The following DNAJC8 variants were observed in gnomAD, a reference collection of about 807,000 sequenced individuals.
DNAJC8 encodes dnaJ homolog subfamily C member 8.
Under a neutral mutation model 43.2 loss-of-function variants are expected in DNAJC8, and 24 were observed. The observed-to-expected ratio is 0.56, with a 90% CI of 0.40 to 0.78. The LOEUF is 0.78. DNAJC8 is among the 30% of genes least tolerant of loss of function. The probability of loss-of-function intolerance (pLI) is 0.00; values close to 1 mark genes in which losing one functional copy is unlikely to be tolerated. For missense variants in DNAJC8, 207 were observed against 299.4 expected (o/e 0.69, Z 2.28); for synonymous variants, 83 against 98.0 (o/e 0.85, Z 0.90).
At chr1:28,216,065 C>G (rs1446691761) in intron 2 of DNAJC8, among the ~76,000 whole-genome samples, 1 of 151,696 alleles carries the variant, frequency 6.6e-6, no homozygotes, top group African/African-American at 2.4e-5. Flanking sequence ...TGGGGTCTCC[C>G]TGGCCGGGCG....
chr1:28,207,232 G>T (rs952103959), intron 6 of DNAJC8, among the ~76,000 whole-genome samples: 1 of 151,634 alleles, frequency 6.6e-6, no homozygotes, highest in African/African-American at 2.4e-5. Flanking sequence ...ACAAAAATTA[G>T]CCAGGCTTGA....
chr1:28,221,271 G>A (rs1479778046), intron 2 of DNAJC8, among the ~76,000 whole-genome samples: 9 of 151,964 alleles, frequency 5.9e-5, no homozygotes, highest in African/African-American at 2.2e-4. Context: ...CCCGGGAGGC[G>A]GAGGTTGCAG....
intron 4 of DNAJC8, 79 bp downstream of exon 4, chr1:28,210,492 T>C: frequency 1.5e-6 from 2 of 1,303,482 alleles, no homozygotes; most frequent in South Asian, 1.2e-5. Context: ...ATAACAGTCT[T>C]TGCTTGATCT....
intron 2 of DNAJC8, among the ~76,000 whole-genome samples, chr1:28,217,373 T>C (rs930272657): frequency 9.9e-5 from 15 of 152,150 alleles, no homozygotes; most frequent in Non-Finnish European, 1.8e-4. Flanking sequence ...GCAATCCCAG[T>C]ACTTTGGGAG....
At chr1:28,232,823 C>A in intron 1 of DNAJC8, 98 bp downstream of exon 1, 1 of 1,329,114 alleles carries the variant, frequency 7.5e-7, no homozygotes, top group Non-Finnish European at 1.1e-6. Context: ...GAAGGAATCG[C>A]CCAACGGTCC....
intron 2 of DNAJC8, among the ~76,000 whole-genome samples, chr1:28,225,044 A>G (rs946530544): frequency 7.3e-5 from 11 of 151,146 alleles, no homozygotes; most frequent in African/African-American, 2.7e-4. Flanking sequence ...GCCCTGAAAA[A>G]CACCTTTTTG....
At chr1:28,210,131 G>A in intron 4 of DNAJC8, 65 bp from the exon 5 acceptor site, 1 of 1,423,640 alleles carries the variant, frequency 7.0e-7, no homozygotes, top group South Asian at 1.2e-5. Flanking sequence ...ACTATACTCA[G>A]GCAGTGTAAA....
intron 3 of DNAJC8, among the ~76,000 whole-genome samples, chr1:28,214,431 G>A (rs1310749191): frequency 6.6e-6 from 1 of 152,192 alleles, no homozygotes; most frequent in Non-Finnish European, 1.5e-5. Flanking sequence ...CTACCTGGGA[G>A]GCTGAGGCAG....
At chr1:28,229,121 TTG>T (rs541204220) in intron 1 of DNAJC8, 98 bp from the exon 2 acceptor site, 50 of 1,029,652 alleles carry the variant, frequency 4.9e-5, no homozygotes, top group African/African-American at 3.2e-4. Flanking sequence ...AAACATTTAT[TTG>T]TGTGTTTACC....
intron 3 of DNAJC8, 30 bp downstream of exon 3, chr1:28,214,910 A>G (rs1158708584): frequency 1.3e-6 from 2 of 1,565,484 alleles, no homozygotes; most frequent in African/African-American, 1.4e-5. Context: ...TACATTTTCA[A>G]AAAGTTCAAA....
In DNAJC8 at chr1:28,201,061, A is replaced by T; in HGVS notation, c.*187T>A. The T allele has an allele frequency of 1.1e-6, 1 of 876,650 alleles. No individual in the cohort carries two copies. The highest frequency in any genetic ancestry group is 1.7e-6 in the Non-Finnish European group (1 of 594,044). 54.3% of individuals were successfully genotyped at this position (876,650 alleles called of 1,614,324 possible). A position where few individuals can be genotyped will look rare whatever the true frequency, so the allele number is the denominator to read the frequency against. ...CAGGGAGAGGGAAAGGTCTTTTTTTAAACCAAGCCCCTCATTTCAATGTAC... is the reference window on the plus strand; with the variant it reads ...CAGGGAGAGGGAAAGGTCTTTTTTTTAACCAAGCCCCTCATTTCAATGTAC... On this transcript the variant is annotated 3_prime_UTR_variant, in exon 9 of 9. Transcript: ENST00000263697.
chr1:28,203,328 T>C (rs1355216303), intron 8 of DNAJC8, among the ~76,000 whole-genome samples: 1 of 152,146 alleles, frequency 6.6e-6, no homozygotes, highest in Non-Finnish European at 1.5e-5. Flanking sequence ...TCTCTGCAGG[T>C]AGGACACTGT....
chr1:28,214,353 A>AG (rs1255718074), intron 3 of DNAJC8, among the ~76,000 whole-genome samples: 2 of 151,940 alleles, frequency 1.3e-5, no homozygotes, highest in African/African-American at 4.8e-5. Context: ...TGGCCAACAT[A>AG]GGGAAACTCT....
intron 3 of DNAJC8, 152 bp downstream of exon 3, chr1:28,214,788 T>C (rs1646839617): frequency 2.0e-6 from 1 of 491,548 alleles, no homozygotes; most frequent in Admixed American, 3.6e-5. Context: ...ATTTTATATA[T>C]TATTATGAGC....
chr1:28,227,464 T>A (rs1293486574), intron 2 of DNAJC8, among the ~76,000 whole-genome samples: 1 of 145,200 alleles, frequency 6.9e-6, no homozygotes, highest in Admixed American at 6.9e-5. Flanking sequence ...TGGTGGCGAA[T>A]GGCTGTAATC....
At position 28,200,691 on chromosome 1, in the gene DNAJC8, A is replaced by C. The variant is rs545858979; in HGVS notation, c.*557T>G. 92 of 454,638 alleles carry C rather than the reference A, an allele frequency of 2.0e-4. 6 individuals are homozygous for C. The highest frequency in any genetic ancestry group is 1.4e-3 in the South Asian group (92 of 64,484). 28.2% of individuals were successfully genotyped at this position (454,638 alleles called of 1,614,324 possible). A position where few individuals can be genotyped will look rare whatever the true frequency, so the allele number is the denominator to read the frequency against. On this transcript the variant is annotated 3_prime_UTR_variant, in exon 9 of 9. Transcript: ENST00000263697. ...TTGGGTGGCGTGGGCCTCATGCCAC[A>C]CTGATTGGTCAGTAGACAGGGGGCA...
intron 6 of DNAJC8, 87 bp downstream of exon 6, chr1:28,208,255 T>A (rs1646784407): frequency 1.0e-5 from 9 of 890,830 alleles, no homozygotes; most frequent in Non-Finnish European, 1.5e-5. Context: ...CATATATTCA[T>A]CATTCTTTTG....
At chr1:28,225,062 T>G (rs1185723986) in intron 2 of DNAJC8, among the ~76,000 whole-genome samples, 1 of 151,184 alleles carries the variant, frequency 6.6e-6, no homozygotes, top group Non-Finnish European at 1.5e-5. Flanking sequence ...TTGGGACAAT[T>G]AGTAAAACCT....
chr1:28,211,017 T>A (rs182884457), intron 3 of DNAJC8, among the ~76,000 whole-genome samples: 9,366 of 151,636 alleles, frequency 0.062, 316 homozygotes, highest in Middle Eastern at 0.092. Context: ...AAAAAAAAAA[T>A]TTTTTAATTA....
Sources: gnomAD v4.1 joint callset for allele counts (sites outside exome capture counted in the v4.1 genomes callset) on GRCh38, gnomAD v4.1.1 for gene constraint, MANE v1.5 for transcripts, NCBI Gene and HGNC (gene_info 2026-07-23, HGNC 2026-07-21) for gene names.